GLCE: variants seen among roughly 807,000 people sequenced by gnomAD.
GLCE encodes glucuronic acid epimerase, also known as D-glucuronyl C5-epimerase.
GLCE carries 19 observed loss-of-function variants against 47.9 expected under a neutral mutation model. That is an observed-to-expected ratio of 0.40 (90% CI 0.28 to 0.58). The LOEUF (loss-of-function observed/expected upper bound fraction) is 0.58. Among genes scored for constraint, GLCE ranks in the 20% least tolerant of loss-of-function variants. GLCE has a pLI of 0.48. For synonymous variants in GLCE, 245 were observed against 263.4 expected, an observed-to-expected ratio of 0.93 and a Z score of 0.68; for missense variants, 556 against 743.3, an observed-to-expected ratio of 0.75 and a Z score of 2.93.
chr15:69,199,857 A>G (rs901661740), intron 1 of GLCE, among the ~76,000 whole-genome samples: 1 of 152,146 alleles, frequency 6.6e-6, no homozygotes. Flanking sequence ...TGATTCATGC[A>G]TCATAGTCTG....
chr15:69,263,132 C>T (rs1359271805), intron 4 of GLCE, among the ~76,000 whole-genome samples: 4 of 152,030 alleles, frequency 2.6e-5, no homozygotes, highest in Admixed American at 6.6e-5. Flanking sequence ...TTTCAGATTT[C>T]GGATTTTTGA....
chr15:69,161,209 C>G (rs956695299), intron 1 of GLCE, among the ~76,000 whole-genome samples: 2 of 151,718 alleles, frequency 1.3e-5, no homozygotes, highest in Non-Finnish European at 2.9e-5. Context: ...CCGGTGTAAA[C>G]CTTGTCTCTG....
chr15:69,193,015 T>C (rs1566952011), intron 1 of GLCE, among the ~76,000 whole-genome samples: 1 of 152,130 alleles, frequency 6.6e-6, no homozygotes. Flanking sequence ...AAAGATCCAG[T>C]AGGACTGCTG....
At chr15:69,208,728 A>G (rs559800515) in intron 1 of GLCE, among the ~76,000 whole-genome samples, 50 of 152,140 alleles carry the variant, frequency 3.3e-4, no homozygotes, top group Middle Eastern at 3.4e-3. Context: ...ACATCTTTAC[A>G]ATGTTGAGCT....
intron 1 of GLCE, among the ~76,000 whole-genome samples, chr15:69,181,150 CTA>C (rs1384995079): frequency 1.3e-5 from 2 of 152,046 alleles, no homozygotes; most frequent in African/African-American, 4.8e-5. Flanking sequence ...ATGGGTAAAA[CTA>C]TGATGGAAGA....
chr15:69,206,384 A>G (rs1242996231), intron 1 of GLCE, among the ~76,000 whole-genome samples: 1 of 151,984 alleles, frequency 6.6e-6, no homozygotes, highest in Non-Finnish European at 1.5e-5. Context: ...TTTTTGTATT[A>G]TATTCTTTAG....
Position 69,196,059 on chromosome 15 carries a change from G to A in GLCE, c.-104-14257G>A, listed in dbSNP as rs549363573. ...GTTGGAAGGCATGGCAGTTGGAGGAGGGCAGGCCTGGGAAGGATTGTGACA... is the reference window on the plus strand; with the variant it reads ...GTTGGAAGGCATGGCAGTTGGAGGAAGGCAGGCCTGGGAAGGATTGTGACA... On this transcript the variant is annotated intron_variant, in intron 1 of 4. Coordinates refer to ENST00000261858, the MANE Select transcript of GLCE (RefSeq NM_015554.3). Among the ~76,000 whole-genome samples the A allele has an allele frequency of 9.2e-5, 14 of 152,224 alleles. 1 individual carries two copies. In the South Asian group the frequency reaches 2.9e-3, roughly 32 times the overall value.
intron 2 of GLCE, among the ~76,000 whole-genome samples, chr15:69,218,346 C>T (rs186951932): frequency 9.9e-5 from 15 of 151,628 alleles, no homozygotes; most frequent in African/African-American, 2.4e-4. Context: ...CCCATCTCTG[C>T]CAAAAAAATA....
chr15:69,169,250 G>A (rs911514395), intron 1 of GLCE, among the ~76,000 whole-genome samples: 3 of 152,082 alleles, frequency 2.0e-5, no homozygotes, highest in African/African-American at 7.2e-5. Flanking sequence ...CATTTGGGCT[G>A]TTTCCAGTGT....
intron 1 of GLCE, among the ~76,000 whole-genome samples, chr15:69,194,691 G>A (rs1452777276): frequency 1.3e-5 from 2 of 152,138 alleles, no homozygotes; most frequent in African/African-American, 4.8e-5. Flanking sequence ...CTGTTTGATA[G>A]TTCAGGGGTT....
intron 4 of GLCE, among the ~76,000 whole-genome samples, chr15:69,267,690 C>T (rs2053104797): frequency 6.6e-6 from 1 of 152,112 alleles, no homozygotes; most frequent in Admixed American, 6.5e-5. Context: ...TAGCACCTAC[C>T]CTTGTAATTG....
At chr15:69,216,615 T>C (rs1246329523) in intron 2 of GLCE, among the ~76,000 whole-genome samples, 1 of 152,136 alleles carries the variant, frequency 6.6e-6, no homozygotes, top group Non-Finnish European at 1.5e-5. Flanking sequence ...TGCCATGTTA[T>C]TTAATTAGGC....
chr15:69,164,551 AAT>A (rs2051475201), intron 1 of GLCE, among the ~76,000 whole-genome samples: 1 of 150,718 alleles, frequency 6.6e-6, no homozygotes, highest in Non-Finnish European at 1.5e-5. Context: ...TAATATGTAT[AAT>A]ATATAAAATA....
chr15:69,165,589 T>C (rs781598798), intron 1 of GLCE, among the ~76,000 whole-genome samples: 2 of 151,790 alleles, frequency 1.3e-5, no homozygotes, highest in Non-Finnish European at 2.9e-5. Flanking sequence ...TTTTAAGTCT[T>C]CTGGTCTTCC....
At chr15:69,231,767 C>T (rs1392315319) in intron 2 of GLCE, among the ~76,000 whole-genome samples, 1 of 151,920 alleles carries the variant, frequency 6.6e-6, no homozygotes, top group Admixed American at 6.6e-5. Flanking sequence ...ACATGTGATT[C>T]AGATATCTAT....
chr15:69,246,870 T>C (rs531135980), intron 2 of GLCE, among the ~76,000 whole-genome samples: 5 of 152,302 alleles, frequency 3.3e-5, no homozygotes, highest in South Asian at 2.1e-4. Flanking sequence ...CAATGGGCAG[T>C]AACATTTTGA....
chr15:69,195,968 A>G (rs375750927), intron 1 of GLCE, among the ~76,000 whole-genome samples: 2 of 152,224 alleles, frequency 1.3e-5, no homozygotes, highest in South Asian at 2.1e-4. Flanking sequence ...GGGAAACTGA[A>G]ACTAACAGAT....
chr15:69,205,133 TCCTGTGTTATC>T (rs2052132439), intron 1 of GLCE, among the ~76,000 whole-genome samples: 1 of 152,022 alleles, frequency 6.6e-6, no homozygotes, highest in Non-Finnish European at 1.5e-5. Flanking sequence ...CTCAAAAAAC[TCCTGTGTTATC>T]CCTGTGTAGT....
chr15:69,164,026 A>C (rs2051464498), intron 1 of GLCE, among the ~76,000 whole-genome samples: 1 of 152,156 alleles, frequency 6.6e-6, no homozygotes, highest in South Asian at 2.1e-4. Flanking sequence ...AGATAAATTA[A>C]TTTTAGGACT....
Sources: allele counts gnomAD v4.1 joint callset (sites outside exome capture counted in the v4.1 genomes callset), GRCh38; gene constraint gnomAD v4.1.1; transcripts MANE v1.5; gene names NCBI Gene and HGNC (gene_info 2026-07-23, HGNC 2026-07-21).